The following ARL15 variants were observed in gnomAD, a reference collection of about 807,000 sequenced individuals.
ARL15 encodes the protein ADP-ribosylation factor-like protein 15.
A neutral mutation model predicts 25.2 loss-of-function variants in ARL15; 19 were observed. The ratio of observed to expected loss-of-function variants is 0.75; its 90% CI spans 0.53 to 1.10. The LOEUF (loss-of-function observed/expected upper bound fraction) is 1.10, where lower values mean the gene tolerates loss of function less well. ARL15 is among the 50% of genes least tolerant of loss of function. The pLI, the probability that ARL15 is intolerant of heterozygous loss-of-function variation, is 0.00. For missense variants in ARL15, 220 were observed against 246.0 expected, an observed-to-expected ratio of 0.89 and a Z score of 0.71; for synonymous variants, 94 against 86.8, an observed-to-expected ratio of 1.08 and a Z score of -0.46.
intron 3 of ARL15, among the ~76,000 whole-genome samples, chr5:54,121,407 T>C (rs915613887): frequency 1.3e-5 from 2 of 152,102 alleles, no homozygotes; most frequent in African/African-American, 4.8e-5. Context: ...CCCAGCATCA[T>C]GTTCAGGCTC....
chr5:54,001,036 G>A (rs796786360), intron 4 of ARL15, among the ~76,000 whole-genome samples: 18 of 152,232 alleles, frequency 1.2e-4, no homozygotes, highest in East Asian at 3.9e-4. Flanking sequence ...AAGTGAAGTC[G>A]GATGAGCAGA....
chr5:54,042,381 A>G, intron 4 of ARL15, among the ~76,000 whole-genome samples: 1 of 152,230 alleles, frequency 6.6e-6, no homozygotes, highest in Admixed American at 6.5e-5. Flanking sequence ...GTGACAGCCT[A>G]TCTTGTCGGT....
chr5:54,021,066 T>C (rs1161354685), intron 4 of ARL15, among the ~76,000 whole-genome samples: 1 of 152,204 alleles, frequency 6.6e-6, no homozygotes, highest in African/African-American at 2.4e-5. Flanking sequence ...CCAGGCACAG[T>C]GGCTCACGCC....
chr5:54,274,877 G>A (rs1025950010), intron 1 of ARL15, among the ~76,000 whole-genome samples: 1 of 152,134 alleles, frequency 6.6e-6, no homozygotes, highest in Admixed American at 6.6e-5. Flanking sequence ...CTGGATGACA[G>A]AGCAAGATTC....
At chr5:53,889,480 C>T (rs1018835752) in intron 4 of ARL15, among the ~76,000 whole-genome samples, 4 of 152,158 alleles carry the variant, frequency 2.6e-5, no homozygotes, top group Non-Finnish European at 5.9e-5. Flanking sequence ...GTGGAGGTTA[C>T]AGGGACAGAG....
chr5:54,092,363 G>C (rs1752155839), intron 4 of ARL15, among the ~76,000 whole-genome samples: 1 of 151,718 alleles, frequency 6.6e-6, no homozygotes, highest in Non-Finnish European at 1.5e-5. Context: ...TTGAATATAA[G>C]AATAAATGGA....
intron 1 of ARL15, among the ~76,000 whole-genome samples, chr5:54,195,489 C>G (rs1755525141): frequency 6.6e-6 from 1 of 152,260 alleles, no homozygotes; most frequent in South Asian, 2.1e-4. Flanking sequence ...TTGGCCCAAC[C>G]TCTGATTTCA....
chr5:54,000,406 G>T (rs1748813772), intron 4 of ARL15, among the ~76,000 whole-genome samples: 1 of 152,132 alleles, frequency 6.6e-6, no homozygotes, highest in Non-Finnish European at 1.5e-5. Context: ...CACAACTAGG[G>T]TACATCTGGA....
At chr5:54,011,259 A>G (rs1030788219) in intron 4 of ARL15, among the ~76,000 whole-genome samples, 11 of 152,172 alleles carry the variant, frequency 7.2e-5, no homozygotes, top group Non-Finnish European at 1.3e-4. Context: ...GGCTTTGTAG[A>G]TTATAAAACT....
intron 3 of ARL15, among the ~76,000 whole-genome samples, chr5:54,125,923 A>G (rs1753238409): frequency 6.6e-6 from 1 of 152,210 alleles, no homozygotes; most frequent in South Asian, 2.1e-4. Context: ...TCCCCCAGTC[A>G]ATAGTATTTA....
chr5:54,017,541 A>G lies in ARL15; in HGVS notation c.462+95661T>C, dbSNP rs1053858416. Among the ~76,000 whole-genome samples the G allele has an allele frequency of 2.4e-4, 36 of 149,650 alleles. 1 individual carries two copies. The highest frequency in any genetic ancestry group is 8.4e-4 in the African/African-American group (34 of 40,670). On this transcript the variant is annotated intron_variant, in intron 4 of 4. Coordinates refer to ENST00000504924, the MANE Select transcript of ARL15 (RefSeq NM_019087.3). ...TGACATTCCCACACCACCCAGAAGG[A>G]GCATGTTCTGTCAGAGTTTCTGGGG... is the stretch of plus-strand genomic sequence containing the variant.
intron 4 of ARL15, among the ~76,000 whole-genome samples, chr5:54,000,187 G>C (rs778059110): frequency 6.6e-6 from 1 of 152,088 alleles, no homozygotes; most frequent in Non-Finnish European, 1.5e-5. Context: ...CTCCAGCAAG[G>C]CTTTTAGGCC....
intron 4 of ARL15, among the ~76,000 whole-genome samples, chr5:53,965,082 A>ACTT (rs879755792): frequency 3.9e-5 from 6 of 152,184 alleles, no homozygotes; most frequent in Admixed American, 1.3e-4. Flanking sequence ...GCCTCCTTTA[A>ACTT]CTTCTGCCCA....
chr5:53,914,969 C>T lies in ARL15; in HGVS notation c.463-28256G>A, dbSNP rs568687027. ...GGAATTACAGGCATGTGCCAGCACG[C>T]CCAGCTAATTTTTGTATTTTTAGTA... On this transcript the variant is annotated intron_variant, in intron 4 of 4. Transcript: ENST00000504924. 1.3e-4 allele frequency among the ~76,000 whole-genome samples: 20 copies of T among 152,302 alleles called. 1 individual carries two copies. The South Asian group carries it at 4.1e-3, about 32-fold the overall frequency.
intron 4 of ARL15, among the ~76,000 whole-genome samples, chr5:54,083,995 C>A (rs888204659): frequency 6.6e-6 from 1 of 152,152 alleles, no homozygotes; most frequent in South Asian, 2.1e-4. Flanking sequence ...GTAATCCCCA[C>A]ACTGCCAGCG....
chr5:54,231,251 TCA>T (rs1366985555), intron 1 of ARL15, among the ~76,000 whole-genome samples: 3 of 152,190 alleles, frequency 2.0e-5, no homozygotes, highest in Non-Finnish European at 4.4e-5. Flanking sequence ...TCCTGACTCC[TCA>T]TTCTCCTTCA....
chr5:54,072,392 G>A (rs1323021033), intron 4 of ARL15, among the ~76,000 whole-genome samples: 1 of 152,100 alleles, frequency 6.6e-6, no homozygotes, highest in Non-Finnish European at 1.5e-5. Context: ...GACACACATG[G>A]TTGGCAATAC....
At chr5:53,973,843 T>C (rs1485839526) in intron 4 of ARL15, among the ~76,000 whole-genome samples, 2 of 152,172 alleles carry the variant, frequency 1.3e-5, no homozygotes, top group African/African-American at 4.8e-5. Flanking sequence ...AGGTATAAGC[T>C]GAAATGATAC....
Position 54,275,116 on chromosome 5 carries a change from A to G in ARL15, c.48+35316T>C, listed in dbSNP as rs147367915. Among the ~76,000 whole-genome samples the G allele has an allele frequency of 2.3e-3, 356 of 152,310 alleles. 3 individuals are homozygous for G. The highest frequency in any genetic ancestry group is 8.3e-3 in the African/African-American group (347 of 41,574). ...CAGAAGCTGAAGCTGGATTTGCCAC[A>G]CAACACAAAACCAGTCTTGCTGCCA... On this transcript the variant is annotated intron_variant, in intron 1 of 4. Transcript: ENST00000504924.
Sources: gnomAD v4.1 joint callset for allele counts (sites outside exome capture counted in the v4.1 genomes callset) on GRCh38, gnomAD v4.1.1 for gene constraint, MANE v1.5 for transcripts, NCBI Gene and HGNC (gene_info 2026-07-23, HGNC 2026-07-21) for gene names.